The following VOPP1 variants were observed in gnomAD, a reference collection of about 807,000 sequenced individuals.
VOPP1 encodes the protein VOPP1 WW domain binding protein, also known as WW domain binding protein VOPP1.
In VOPP1, 8 loss-of-function variants were observed where a neutral mutation model predicts 23.5. That is an observed-to-expected ratio of 0.34 (90% CI 0.20 to 0.61). The LOEUF is 0.61. Ranked by LOEUF, VOPP1 falls within the 20% of genes least tolerant of loss-of-function variation. VOPP1 has a pLI of 0.78. For missense variants in VOPP1, 174 were observed against 238.1 expected (o/e 0.73, Z 1.77); for synonymous variants, 83 against 97.3 (o/e 0.85, Z 0.86).
intron 1 of VOPP1, chr7:55,530,991 C>A (rs774035351): frequency 2.6e-5 from 4 of 152,182 alleles, no homozygotes; most frequent in Admixed American, 6.5e-5. Context: ...CCAAAGCCCA[C>A]CAGGGTGCAA....
chr7:55,498,464 G>A (rs928864333), intron 2 of VOPP1, among the ~76,000 whole-genome samples: 1 of 139,142 alleles, frequency 7.2e-6, no homozygotes, highest in Non-Finnish European at 1.6e-5. Flanking sequence ...TGAGGCACTC[G>A]GTGCCCTCGA....
intron 1 of VOPP1, among the ~76,000 whole-genome samples, chr7:55,522,202 C>T (rs1795910688): frequency 6.6e-6 from 1 of 152,180 alleles, no homozygotes; most frequent in Non-Finnish European, 1.5e-5. Flanking sequence ...TGCCCTGCAG[C>T]TGGAATGGAG....
intron 4 of VOPP1, among the ~76,000 whole-genome samples, chr7:55,448,471 T>G (rs997196726): frequency 2.4e-4 from 37 of 152,248 alleles, no homozygotes; most frequent in African/African-American, 8.4e-4. Context: ...GTATTTGGTC[T>G]GCATCATCCA....
intron 4 of VOPP1, among the ~76,000 whole-genome samples, chr7:55,449,630 T>G (rs1033963170): frequency 2.0e-5 from 3 of 152,164 alleles, no homozygotes; most frequent in African/African-American, 7.2e-5. Flanking sequence ...TGCCCCTCCC[T>G]GTGACTGGCT....
chr7:55,498,141 T>C lies in VOPP1; in HGVS notation c.114-451A>G, dbSNP rs562941921. On this transcript the variant is annotated intron_variant, in intron 2 of 4. Coordinates refer to ENST00000285279, the MANE Select transcript of VOPP1 (RefSeq NM_030796.5). ...CCACTGAGGCTAAAAGCAGAGGCTG[T>C]GGAGTTAGATAAATTGCAGGTGTGG... is the stretch of plus-strand genomic sequence containing the variant. Among the ~76,000 whole-genome samples, 31 of 152,340 alleles carry C rather than the reference T, an allele frequency of 2.0e-4. No homozygotes were observed. In the South Asian group the frequency reaches 6.4e-3, roughly 32 times the overall value.
At chr7:55,461,022 A>C (rs1010885649) in intron 4 of VOPP1, among the ~76,000 whole-genome samples, 1 of 151,944 alleles carries the variant, frequency 6.6e-6, no homozygotes, top group African/African-American at 2.4e-5. Context: ...TGTTTTATAT[A>C]TATTATATAT....
rs1380526787 is a variant in VOPP1 at position 55,461,092 on chromosome 7, G to T, written n.418-24918C>A. Among the ~76,000 whole-genome samples, 3 of 152,086 alleles carry T rather than the reference G, an allele frequency of 2.0e-5. No individual in the cohort carries two copies. The East Asian group carries it at 5.8e-4, about 29-fold the overall frequency. ...AACTAATGGCATTTGCAGTGATCTG[G>T]ATGAGATTGGAGACTTACTATTCTA... On this transcript the variant is annotated intron_variant and non_coding_transcript_variant, in intron 4 of 4. Transcript: ENST00000462326.
chr7:55,447,185 G>A (rs1791121882), intron 4 of VOPP1, among the ~76,000 whole-genome samples: 1 of 152,202 alleles, frequency 6.6e-6, no homozygotes, highest in Non-Finnish European at 1.5e-5. Context: ...GCTTTTCCAG[G>A]TACTATAGAA....
intron 1 of VOPP1, among the ~76,000 whole-genome samples, chr7:55,567,609 G>A (rs1798205219): frequency 6.6e-6 from 1 of 152,108 alleles, no homozygotes. Context: ...CAAAAACCAA[G>A]GAAAGCCCCA....
chr7:55,437,705 T>TAACA (rs1347020469), intron 4 of VOPP1, among the ~76,000 whole-genome samples: 1 of 152,214 alleles, frequency 6.6e-6, no homozygotes, highest in African/African-American at 2.4e-5. Context: ...ACACCTGTTA[T>TAACA]TTGGATGTTA....
chr7:55,444,241 T>C (rs1791041369), intron 4 of VOPP1, among the ~76,000 whole-genome samples: 4 of 152,360 alleles, frequency 2.6e-5, no homozygotes, highest in Admixed American at 2.0e-4. Context: ...AAGAGTCATG[T>C]TGGGTTATAG....
intron 4 of VOPP1, among the ~76,000 whole-genome samples, chr7:55,439,024 G>T (rs1306034667): frequency 6.6e-6 from 1 of 152,236 alleles, no homozygotes. Context: ...GCCGGGCTGA[G>T]ATGGAACCCG....
intron 1 of VOPP1, among the ~76,000 whole-genome samples, chr7:55,550,786 G>A (rs567345453): frequency 1.1e-4 from 16 of 152,252 alleles, no homozygotes; most frequent in South Asian, 6.2e-4. Flanking sequence ...TGAAAATTGC[G>A]CAGAAAATGG....
At chr7:55,534,059 C>G (rs1796641558) in intron 1 of VOPP1, among the ~76,000 whole-genome samples, 1 of 151,676 alleles carries the variant, frequency 6.6e-6, no homozygotes, top group Non-Finnish European at 1.5e-5. Context: ...CCAGCCCTGT[C>G]AGCTATAATT....
intron 4 of VOPP1, among the ~76,000 whole-genome samples, chr7:55,461,550 T>C (rs1259310286): frequency 1.3e-5 from 2 of 152,114 alleles, no homozygotes; most frequent in African/African-American, 2.4e-5. Context: ...CCCGAGTAGC[T>C]GGGATTACAG....
chr7:55,468,295 AAAAG>A (rs772746397), downstream of VOPP1, among the ~76,000 whole-genome samples: 53 of 151,928 alleles, frequency 3.5e-4, no homozygotes, highest in South Asian at 1.0e-3. Flanking sequence ...AAAAGAAAAA[AAAAG>A]AAAGAAAGAA....
In VOPP1 at chr7:55,572,348, C is replaced by A. The variant is rs1798396046; in HGVS notation, c.-24G>T. On this transcript the variant is annotated 5_prime_UTR_variant, in exon 1 of 5. Coordinates refer to ENST00000285279, the MANE Select transcript of VOPP1 (RefSeq NM_030796.5). ...ATGGCTCCTCGCGTCCTCTCCAGCG[C>A]GCCCGGACGCCGGGTCGCAGGCGCG... The A allele has an allele frequency of 1.4e-5, 19 of 1,339,716 alleles. No individual in the cohort carries two copies. Among genetic ancestry groups the A allele is most frequent in the Non-Finnish European group, 1.6e-5 (17 of 1,046,694 alleles). 83.0% of individuals were successfully genotyped at this position (1,339,716 alleles called of 1,614,324 possible). A position where few individuals can be genotyped will look rare whatever the true frequency, so the allele number is the denominator to read the frequency against.
At chr7:55,492,255 G>T (rs748367498) in intron 4 of VOPP1, 27 bp downstream of exon 4, 3 of 1,596,102 alleles carry the variant, frequency 1.9e-6, no homozygotes, top group Non-Finnish European at 2.6e-6. Context: ...ACTGTGGGGA[G>T]GAGAGACAAG....
intron 2 of VOPP1, among the ~76,000 whole-genome samples, chr7:55,518,526 G>A (rs570629956): frequency 4.6e-5 from 7 of 152,310 alleles, no homozygotes; most frequent in African/African-American, 1.7e-4. Context: ...AGCCAAAACA[G>A]CAGGGGAGGA....
Sources: allele counts gnomAD v4.1 joint callset (sites outside exome capture counted in the v4.1 genomes callset), GRCh38; gene constraint gnomAD v4.1.1; transcripts MANE v1.5; gene names NCBI Gene and HGNC (gene_info 2026-07-23, HGNC 2026-07-21).